Variants in GATAD2B observed in about 807,000 individuals in gnomAD.
GATAD2B encodes the protein transcriptional repressor p66-beta.
GATAD2B carries 8 observed loss-of-function variants against 64.3 expected under a neutral mutation model. That is an observed-to-expected ratio of 0.12 (90% CI 0.07 to 0.22). The LOEUF (loss-of-function observed/expected upper bound fraction) is 0.22, where lower values mean the gene tolerates loss of function less well. Ranked by LOEUF, GATAD2B falls within the 10% of genes least tolerant of loss-of-function variation. The pLI, the probability that GATAD2B is intolerant of heterozygous loss-of-function variation, is 1.00. For synonymous variants in GATAD2B, 281 were observed against 271.3 expected, an observed-to-expected ratio of 1.04 and a Z score of -0.35; for missense variants, 453 against 752.0, an observed-to-expected ratio of 0.60 and a Z score of 4.65.
chr1:153,899,681 T>C (rs1384069105), intron 1 of GATAD2B, among the ~76,000 whole-genome samples: 2 of 152,064 alleles, frequency 1.3e-5, no homozygotes, highest in Non-Finnish European at 2.9e-5. Flanking sequence ...GAAATGCTAA[T>C]AAGGTATATA....
chr1:153,920,606 A>C (rs1484827433), intron 1 of GATAD2B, among the ~76,000 whole-genome samples: 1 of 152,202 alleles, frequency 6.6e-6, no homozygotes, highest in South Asian at 2.1e-4. Context: ...AACACACATC[A>C]CATACGGTCA....
chr1:153,817,326 C>T (rs752896554), intron 6 of GATAD2B, 46 bp downstream of exon 6: 1 of 1,450,604 alleles, frequency 6.9e-7, no homozygotes, highest in Non-Finnish European at 9.1e-7. Context: ...GCAAAGCAAA[C>T]AAAGGGATTT....
chr1:153,837,932 C>G (rs1425076290), intron 1 of GATAD2B, among the ~76,000 whole-genome samples: 1 of 152,230 alleles, frequency 6.6e-6, no homozygotes, highest in Non-Finnish European at 1.5e-5. Flanking sequence ...TAACCACCCA[C>G]TTAAATCCAA....
intron 1 of GATAD2B, among the ~76,000 whole-genome samples, chr1:153,844,786 T>A: frequency 7.4e-6 from 1 of 135,840 alleles, no homozygotes; most frequent in East Asian, 2.6e-4. Context: ...GGGGGAGGGA[T>A]AGCATTGGGA....
In GATAD2B at chr1:153,893,955, TAAAAAAAAAAAAAAAA is replaced by T. The variant is rs57287798; in HGVS notation, c.-2+28762_-2+28777del. Among the ~76,000 whole-genome samples, 43 of 68,620 alleles carry T rather than the reference TAAAAAAAAAAAAAAAA, an allele frequency of 6.3e-4. 1 individual carries two copies. Among genetic ancestry groups the T allele is most frequent in the African/African-American group, 2.3e-3 (36 of 15,440 alleles). The allele number at this position is 68,620 out of a possible 152,430, so 45.0% of individuals were successfully genotyped here. On this transcript the variant is annotated intron_variant, in intron 1 of 10. Transcript: ENST00000368655. ...CTGGGTGACTGAACAAGACTCCATC[TAAAAAAAAAAAAAAAA>T]AAAAAAAAAAACCCAAAAAATGTCC...
chr1:153,860,452 A>G (rs147583072), intron 1 of GATAD2B, among the ~76,000 whole-genome samples: 29 of 151,608 alleles, frequency 1.9e-4, no homozygotes, highest in African/African-American at 5.8e-4. Context: ...CTCCCACCTT[A>G]GCTTCCCGAA....
intron 1 of GATAD2B, among the ~76,000 whole-genome samples, chr1:153,877,735 G>A (rs1487933762): frequency 4.0e-5 from 6 of 151,780 alleles, no homozygotes; most frequent in Admixed American, 2.0e-4. Flanking sequence ...AAAATTAGCC[G>A]GGTGTGGTGG....
chr1:153,844,656 G>A (rs1051258565), intron 1 of GATAD2B, among the ~76,000 whole-genome samples: 15 of 148,848 alleles, frequency 1.0e-4, no homozygotes, highest in Admixed American at 2.7e-4. Context: ...GTAAACTATC[G>A]CAAGAACAAA....
At chr1:153,814,805 G>T (rs1247740255) in intron 7 of GATAD2B, among the ~76,000 whole-genome samples, 1 of 151,484 alleles carries the variant, frequency 6.6e-6, no homozygotes, top group Non-Finnish European at 1.5e-5. Flanking sequence ...GTGAAACCCC[G>T]TCTCTAAGAA....
chr1:153,917,782 C>A (rs1478754800), intron 1 of GATAD2B, among the ~76,000 whole-genome samples: 3 of 152,116 alleles, frequency 2.0e-5, no homozygotes, highest in Admixed American at 1.3e-4. Context: ...CTAAGACCTA[C>A]ATCATAGAAA....
At chr1:153,876,699 CA>C (rs1241231820) in intron 1 of GATAD2B, among the ~76,000 whole-genome samples, 1 of 152,224 alleles carries the variant, frequency 6.6e-6, no homozygotes, top group Non-Finnish European at 1.5e-5. Flanking sequence ...GCCAGACAAT[CA>C]TTTAGAAAAG....
intron 2 of GATAD2B, among the ~76,000 whole-genome samples, chr1:153,820,962 T>C (rs1044582579): frequency 6.8e-6 from 1 of 148,050 alleles, no homozygotes; most frequent in South Asian, 2.1e-4. Context: ...CTAGTTGCTG[T>C]TGGCACATGG....
Position 153,816,586 on chromosome 1 carries a change from C to G in GATAD2B, c.903G>C (p.Gln301His). The change falls in exon 7 of 11, where the codon CAG becomes CAC. Residue 301 changes from glutamine (Q) to histidine (H), a missense_variant and splice_region_variant. Around this residue, in one of 2 missense-constraint regions of GATAD2B, gnomAD observed 293 missense variants for 417.2 expected, o/e 0.70. Transcript: ENST00000368655. This position sits in a 1 kb window ranked among gnomAD's most constrained non-coding sequence, Gnocchi z 4.9. ...GCTGACATGGAACAGAAGAACTTGA[C>G]TGCTGAAATAGATTGAGAATGCGGT... The part of the protein sequence containing the change: ...NMNPAINYQP[Q>H]SSSSVPCQRT... 1 of 1,604,986 alleles carries G rather than the reference C, an allele frequency of 6.2e-7. No homozygotes were observed. The highest frequency in any genetic ancestry group is 2.2e-5 in the East Asian group (1 of 44,750).
intron 1 of GATAD2B, among the ~76,000 whole-genome samples, chr1:153,886,219 A>G (rs1021502891): frequency 6.6e-6 from 1 of 152,234 alleles, no homozygotes; most frequent in Non-Finnish European, 1.5e-5. Context: ...TACATTCTGA[A>G]AAATACATGA....
At chr1:153,864,613 TGAAA>T (rs1453894217) in intron 1 of GATAD2B, among the ~76,000 whole-genome samples, 4 of 149,576 alleles carry the variant, frequency 2.7e-5, no homozygotes, top group Admixed American at 6.7e-5. Context: ...CAAAACCCTG[TGAAA>T]GAAAGAAAGA....
At chr1:153,920,341 G>C (rs1678393141) in intron 1 of GATAD2B, among the ~76,000 whole-genome samples, 3 of 152,182 alleles carry the variant, frequency 2.0e-5, no homozygotes, top group South Asian at 4.1e-4. Context: ...AAGGGGAGAA[G>C]GGGGCAAAAC....
At chr1:153,845,106 A>C (rs1026430997) in intron 1 of GATAD2B, among the ~76,000 whole-genome samples, 2 of 152,210 alleles carry the variant, frequency 1.3e-5, no homozygotes, top group African/African-American at 2.4e-5. Context: ...GAAGATGTAC[A>C]AAAAGACTCA....
chr1:153,813,388 G>A lies in GATAD2B; in HGVS notation c.1281C>T (p.Phe427=). ...TCTTTTCTTGCTTCCAGTGAGGGGT[G>A]AAATCTGTGCGGCACTGGGCACATA... ...PFVCAQCRTD[F]TPHWKQEKNG... is the part of the protein sequence containing the mutation. Residue 427 remains phenylalanine (F), a synonymous_variant, in exon 8 of 11, where the codon TTC becomes TTT. Transcript: ENST00000368655. The A allele has an allele frequency of 6.2e-7, 1 of 1,614,096 alleles. No individual in the cohort carries two copies.
intron 1 of GATAD2B, among the ~76,000 whole-genome samples, chr1:153,917,953 T>G (rs966581982): frequency 3.3e-5 from 5 of 152,232 alleles, no homozygotes; most frequent in African/African-American, 1.2e-4. Flanking sequence ...AGGTGACATT[T>G]AAGCAAAGAC....
Sources: allele counts gnomAD v4.1 joint callset (sites outside exome capture counted in the v4.1 genomes callset), GRCh38; gene constraint gnomAD v4.1.1; regional missense constraint gnomAD v4.1.1; non-coding constraint Gnocchi (gnomAD v3.1); transcripts MANE v1.5; gene names NCBI Gene and HGNC (gene_info 2026-07-23, HGNC 2026-07-21).